The following PHF24 variants were observed in gnomAD, a reference collection of about 807,000 sequenced individuals.
The protein encoded by PHF24 is PHD finger protein 24.
Under a neutral mutation model 42.6 loss-of-function variants are expected in PHF24, and 25 were observed. The observed-to-expected ratio is 0.59, with a 90% confidence interval of 0.43 to 0.82. The LOEUF (loss-of-function observed/expected upper bound fraction) is 0.82. Among genes scored for constraint, PHF24 ranks in the 40% least tolerant of loss-of-function variants. PHF24 has a pLI of 0.00. For synonymous variants in PHF24, 185 were observed against 204.8 expected (o/e 0.90, Z 0.83); for missense variants, 470 against 538.1 (o/e 0.87, Z 1.25).
chr9:34,832,460 C>A, the PHF24 span: 1 of 1,501,928 alleles, frequency 6.7e-7, no homozygotes, highest in Non-Finnish European at 9.0e-7. Flanking sequence ...CCATCAGCTT[C>A]TGAGCACGAT....
chr9:34,665,768 G>T, the PHF24 span: 35 of 671,018 alleles, frequency 5.2e-5, no homozygotes, highest in African/African-American at 6.1e-4. Context: ...CAGTTCTCAG[G>T]TAATCTGAGG....
At chr9:34,948,522 GGT>G in the PHF24 span, among the ~76,000 whole-genome samples, 34 of 152,000 alleles carry the variant, frequency 2.2e-4, no homozygotes, top group African/African-American at 7.7e-4. Flanking sequence ...CCTTTTATAT[GGT>G]TAGATAGGTT....
At chr9:34,977,941 C>A in intron 7 of PHF24, 74 bp from the exon 8 acceptor site, 2 of 1,180,188 alleles carry the variant, frequency 1.7e-6, no homozygotes, top group South Asian at 2.4e-5. Context: ...CTCCTCAAGC[C>A]ATGCTGCCCC....
At chr9:34,933,395 G>A in the PHF24 span, among the ~76,000 whole-genome samples, 1 of 152,102 alleles carries the variant, frequency 6.6e-6, no homozygotes, top group Non-Finnish European at 1.5e-5. Flanking sequence ...AAAATTCTAT[G>A]ATATAGACTC....
At chr9:34,893,065 C>T in the PHF24 span, 1 of 972,994 alleles carries the variant, frequency 1.0e-6, no homozygotes, top group Non-Finnish European at 1.5e-6. Context: ...ATTGCTTAAT[C>T]TCCAGAGCCA....
the PHF24 span, among the ~76,000 whole-genome samples, chr9:34,831,756 C>G: frequency 6.6e-6 from 1 of 152,192 alleles, no homozygotes; most frequent in Non-Finnish European, 1.5e-5. Context: ...CCATTTTCTA[C>G]TGTCATCTCA....
the PHF24 span, among the ~76,000 whole-genome samples, chr9:34,774,496 G>T: frequency 6.6e-6 from 1 of 152,202 alleles, no homozygotes; most frequent in African/African-American, 2.4e-5. Flanking sequence ...AACCAGCTGG[G>T]TGTGGTGGTT....
chr9:34,926,774 C>G, the PHF24 span, among the ~76,000 whole-genome samples: 1 of 152,082 alleles, frequency 6.6e-6, no homozygotes, highest in Non-Finnish European at 1.5e-5. The surrounding 1 kb of genome is among the most constrained non-coding windows in gnomAD (Gnocchi z 4.3). Context: ...AGATGGCCCA[C>G]AGGGCTGTTT....
the PHF24 span, among the ~76,000 whole-genome samples, chr9:34,893,696 C>T: frequency 2.6e-5 from 4 of 152,100 alleles, no homozygotes; most frequent in Admixed American, 6.5e-5. Context: ...AGGCTTCAGA[C>T]GACCCATGGG....
chr9:34,835,521 G>C, the PHF24 span: 1 of 1,548,530 alleles, frequency 6.5e-7, no homozygotes, highest in Non-Finnish European at 8.7e-7. Context: ...TTCAGGGACA[G>C]CAAGGAGACC....
the PHF24 span, among the ~76,000 whole-genome samples, chr9:34,748,663 GTGA>G: frequency 6.6e-6 from 1 of 152,190 alleles, no homozygotes; most frequent in Non-Finnish European, 1.5e-5. Context: ...TATGGCTACA[GTGA>G]TCAAAAACAT....
At chr9:34,722,005 CAG>C in the PHF24 span, among the ~76,000 whole-genome samples, 3 of 152,160 alleles carry the variant, frequency 2.0e-5, no homozygotes, top group African/African-American at 7.2e-5. Context: ...AGAAGAGTCT[CAG>C]GGCCTACTCC....
chr9:34,893,614 G>GA, the PHF24 span, among the ~76,000 whole-genome samples: 8 of 150,804 alleles, frequency 5.3e-5, no homozygotes, highest in African/African-American at 1.7e-4. Context: ...AAAAAAAAAA[G>GA]AAAAAAGAAA....
the PHF24 span, among the ~76,000 whole-genome samples, chr9:34,751,384 A>G: frequency 2.0e-5 from 3 of 152,168 alleles, no homozygotes; most frequent in African/African-American, 7.2e-5. Flanking sequence ...TAAATAAATA[A>G]AAGAGTAGGA....
At chr9:34,810,238 T>G in the PHF24 span, among the ~76,000 whole-genome samples, 1 of 152,108 alleles carries the variant, frequency 6.6e-6, no homozygotes. Context: ...CTCCGGGGAC[T>G]CTGAGGTGCT....
the PHF24 span, among the ~76,000 whole-genome samples, chr9:34,849,353 T>TA: frequency 6.6e-6 from 1 of 152,134 alleles, no homozygotes; most frequent in Non-Finnish European, 1.5e-5. Flanking sequence ...TCCCATTATG[T>TA]AATGGCCTTC....
chr9:34,756,001 T>C, the PHF24 span, among the ~76,000 whole-genome samples: 1 of 152,222 alleles, frequency 6.6e-6, no homozygotes, highest in South Asian at 2.1e-4. Flanking sequence ...ATAAAACGTA[T>C]TACCAGACCA....
the PHF24 span, among the ~76,000 whole-genome samples, chr9:34,767,176 G>T: frequency 6.6e-6 from 1 of 152,240 alleles, no homozygotes; most frequent in African/African-American, 2.4e-5. Flanking sequence ...TGAGGAGGCA[G>T]TCTGCCCGTT....
chr9:34,690,201 A>C, the PHF24 span: 1 of 1,614,094 alleles, frequency 6.2e-7, no homozygotes, highest in East Asian at 2.2e-5. Context: ...CACCCTCCCC[A>C]CAACTCACAC....
Sources: gnomAD v4.1 joint callset for allele counts (sites outside exome capture counted in the v4.1 genomes callset) on GRCh38, gnomAD v4.1.1 for gene constraint, Gnocchi (gnomAD v3.1) non-coding constraint, MANE v1.5 for transcripts, NCBI Gene and HGNC (gene_info 2026-07-23, HGNC 2026-07-21) for gene names.